NOL10: variants seen among roughly 807,000 people sequenced by gnomAD.
NOL10 encodes the protein H_NH0074G24.1.
A neutral mutation model predicts 103.5 loss-of-function variants in NOL10; 58 were observed. The ratio of observed to expected loss-of-function variants is 0.56; its 90% CI spans 0.45 to 0.70. The LOEUF (loss-of-function observed/expected upper bound fraction) is 0.70, where lower values mean the gene tolerates loss of function less well. Ranked by LOEUF, NOL10 falls within the 30% of genes least tolerant of loss-of-function variation. The probability of loss-of-function intolerance (pLI) is 0.00; values close to 1 mark genes in which losing one functional copy is unlikely to be tolerated. For missense variants in NOL10, 763 were observed against 807.3 expected, an observed-to-expected ratio of 0.95 and a Z score of 0.67; for synonymous variants, 287 against 282.5, an observed-to-expected ratio of 1.02 and a Z score of -0.16.
chr2:10,675,459 G>A (rs146343815), intron 4 of NOL10, among the ~76,000 whole-genome samples: 1 of 151,380 alleles, frequency 6.6e-6, no homozygotes, highest in African/African-American at 2.4e-5. Context: ...TGGGGGTTTG[G>A]GGGGGGTGCA....
chr2:10,627,387 A>G (rs972820888), intron 13 of NOL10, among the ~76,000 whole-genome samples: 3 of 152,160 alleles, frequency 2.0e-5, no homozygotes, highest in Admixed American at 6.5e-5. Context: ...ATGAATCAAG[A>G]CATCTTAAAA....
At chr2:10,597,356 C>T (rs1445449956) in intron 17 of NOL10, among the ~76,000 whole-genome samples, 1 of 152,128 alleles carries the variant, frequency 6.6e-6, no homozygotes, top group East Asian at 1.9e-4. Flanking sequence ...CAAAACATAC[C>T]TTTCAAATTG....
At chr2:10,647,188 A>AGTATGCAGTACACT (rs145906698) in intron 12 of NOL10, among the ~76,000 whole-genome samples, 5 of 150,640 alleles carry the variant, frequency 3.3e-5, no homozygotes, top group Admixed American at 3.3e-4. Flanking sequence ...TATAGTGTAT[A>AGTATGCAGTACACT]GTACGCTGTA....
At chr2:10,611,215 A>C (rs1676549070) in intron 13 of NOL10, among the ~76,000 whole-genome samples, 1 of 152,196 alleles carries the variant, frequency 6.6e-6, no homozygotes, top group African/African-American at 2.4e-5. Context: ...ATATCAACCA[A>C]TCTAAATGGA....
At chr2:10,589,318 T>G (rs1267404029) in intron 18 of NOL10, 28 bp from the exon 19 acceptor site, 1 of 1,610,300 alleles carries the variant, frequency 6.2e-7, no homozygotes, top group African/African-American at 1.3e-5. Context: ...AAGCAGCAAC[T>G]CCTTTCCCCC....
In NOL10 at chr2:10,644,322, G is replaced by T; in HGVS notation, c.1024C>A (p.Pro342Thr). ...ETPKMGIYYIPVLGPAPRWCS... is the reference protein window; with the variant it reads ...ETPKMGIYYITVLGPAPRWCS... ...AAACTCCTCTTTGTATTACTTACTGGAATGTAATAGATGCCCATCTTGGGG... is the reference window on the plus strand; with the variant it reads ...AAACTCCTCTTTGTATTACTTACTGTAATGTAATAGATGCCCATCTTGGGG... The change falls in exon 13 of 21, where the codon CCA becomes ACA. Residue 342 changes from proline (P) to threonine (T), a missense_variant and splice_region_variant. Physicochemically the swap from Pro to Thr is conservative, Grantham distance 38 (BLOSUM62 -1). Coordinates refer to ENST00000381685, the MANE Select transcript of NOL10 (RefSeq NM_024894.4). The T allele has an allele frequency of 6.6e-7, 1 of 1,525,646 alleles. No homozygotes were observed. The highest frequency in any genetic ancestry group is 1.7e-4 in the Middle Eastern group (1 of 5,772). The allele number at this position is 1,525,646 out of a possible 1,614,324, so 94.5% of individuals were successfully genotyped here. A position where few individuals can be genotyped will look rare whatever the true frequency, so the allele number is the denominator to read the frequency against.
intron 13 of NOL10, among the ~76,000 whole-genome samples, chr2:10,641,490 C>A (rs1678694620): frequency 1.3e-5 from 2 of 152,076 alleles, no homozygotes; most frequent in Non-Finnish European, 1.5e-5. Flanking sequence ...TACTTTGTAA[C>A]CCACTTAGAA....
chr2:10,623,341 T>C (rs191890547), intron 13 of NOL10, among the ~76,000 whole-genome samples: 1 of 152,292 alleles, frequency 6.6e-6, no homozygotes, highest in Non-Finnish European at 1.5e-5. Flanking sequence ...CCAAACAGAC[T>C]GAACGGACCG....
chr2:10,577,526 TC>T (rs1000150186), intron 20 of NOL10, 109 bp downstream of exon 20: 73 of 784,896 alleles, frequency 9.3e-5, no homozygotes, highest in Non-Finnish European at 1.2e-4. Flanking sequence ...CACAGCTTCC[TC>T]AATAGGGGAA....
chr2:10,572,057 G>C lies in NOL10; in HGVS notation c.*14C>G. 1.9e-6 allele frequency: 3 copies of C among 1,613,052 alleles called. No homozygotes were observed. Among genetic ancestry groups the C allele is most frequent in the Non-Finnish European group, 1.7e-6 (2 of 1,179,846 alleles). On this transcript the variant is annotated 3_prime_UTR_variant, in exon 21 of 21. Transcript: ENST00000381685. ...CGTACCCCTCCCTAATCACAGGTAG[G>C]ACCACTTCCCAAATCAATGAAACGA...
At chr2:10,609,898 C>G (rs1280820234) in intron 13 of NOL10, among the ~76,000 whole-genome samples, 3 of 152,024 alleles carry the variant, frequency 2.0e-5, no homozygotes, top group Admixed American at 6.6e-5. Context: ...ATTTTTAGTA[C>G]CTAGAACAGT....
chr2:10,609,701 A>G (rs546441981), intron 13 of NOL10, among the ~76,000 whole-genome samples: 1 of 152,336 alleles, frequency 6.6e-6, no homozygotes, highest in Non-Finnish European at 1.5e-5. Context: ...TTGTAACTAC[A>G]GGGGTATCTG....
intron 20 of NOL10, among the ~76,000 whole-genome samples, chr2:10,577,186 G>A (rs1674497915): frequency 1.3e-5 from 2 of 152,214 alleles, no homozygotes; most frequent in Admixed American, 6.5e-5. Flanking sequence ...GGGTGTGACT[G>A]TCACAAGTTA....
intron 19 of NOL10, among the ~76,000 whole-genome samples, chr2:10,581,418 C>T (rs1265771714): frequency 6.6e-6 from 1 of 152,080 alleles, no homozygotes; most frequent in Non-Finnish European, 1.5e-5. Context: ...CAGAGAACAA[C>T]ATACATCCCA....
intron 13 of NOL10, among the ~76,000 whole-genome samples, chr2:10,633,787 A>ATATG (rs991286372): frequency 7.3e-6 from 1 of 136,834 alleles, no homozygotes; most frequent in South Asian, 2.5e-4. Flanking sequence ...TGTTTTGTTT[A>ATATG]TATGTATGTG....
In NOL10 at chr2:10,622,879, C is replaced by T. The variant is rs541552177; in HGVS notation, c.1027-15568G>A. On this transcript the variant is annotated intron_variant, in intron 13 of 20. Transcript: ENST00000381685. ...TCAGAATTAAGACAATTCAAGATGGCCAAAACTGAATTTAGTATCTATTCC... is the reference window on the plus strand; with the variant it reads ...TCAGAATTAAGACAATTCAAGATGGTCAAAACTGAATTTAGTATCTATTCC... 8.5e-5 allele frequency among the ~76,000 whole-genome samples: 13 copies of T among 152,136 alleles called. No homozygotes were observed. In the South Asian group the frequency reaches 2.5e-3, roughly 29 times the overall value.
intron 11 of NOL10, among the ~76,000 whole-genome samples, chr2:10,657,217 C>T (rs1679898663): frequency 6.6e-6 from 1 of 151,868 alleles, no homozygotes; most frequent in Non-Finnish European, 1.5e-5. Context: ...TACTCTGAGG[C>T]TAAGGCACGA....
intron 13 of NOL10, chr2:10,622,115 T>TTGGTTTAGAGAACTGGACAGCAC (rs1366333232): frequency 4.2e-6 from 2 of 471,536 alleles, no homozygotes; most frequent in South Asian, 3.1e-5. Context: ...GTGGCAGACT[T>TTGGTTTAGAGAACTGGACAGCAC]TGGTTTAGAG....
At position 10,589,161 on chromosome 2, in the gene NOL10, G is replaced by C; in HGVS notation, c.1726C>G (p.Arg576Gly). ...RLLQQEEKVK[R>G]QERLKEDQQT... is the part of the protein sequence containing the mutation. ...TGGTCCTCCTTGAGTCGTTCCTGCC[G>C]CTTCACTTTTTCCTCCTGCTGGAGG... Residue 576 changes from arginine to glycine, a missense_variant, in exon 19 of 21, where the codon CGG (arginine) becomes GGG (glycine). By Grantham distance (125) the Arg-to-Gly change is moderately radical. Transcript: ENST00000381685. The C allele has an allele frequency of 6.2e-7, 1 of 1,613,960 alleles. No homozygotes were observed. The highest frequency in any genetic ancestry group is 8.5e-7 in the Non-Finnish European group (1 of 1,179,894).
Sources: gnomAD v4.1 joint callset for allele counts (sites outside exome capture counted in the v4.1 genomes callset) on GRCh38, gnomAD v4.1.1 for gene constraint, MANE v1.5 for transcripts, NCBI Gene and HGNC (gene_info 2026-07-23, HGNC 2026-07-21) for gene names.